Variants in ARHGAP10 observed in about 807,000 individuals in gnomAD.
ARHGAP10 encodes the protein Rho GTPase activating protein 10, also known as rho GTPase-activating protein 10.
Under a neutral mutation model 108.6 loss-of-function variants are expected in ARHGAP10, and 87 were observed. That is an observed-to-expected ratio of 0.80 (90% CI 0.67 to 0.96). The LOEUF is 0.96. ARHGAP10 is among the 40% of genes least tolerant of loss of function. The probability of loss-of-function intolerance (pLI) is 0.00; values close to 1 mark genes in which losing one functional copy is unlikely to be tolerated. For missense variants in ARHGAP10, 939 were observed against 954.5 expected, an observed-to-expected ratio of 0.98 and a Z score of 0.21; for synonymous variants, 347 against 341.1, an observed-to-expected ratio of 1.02 and a Z score of -0.19.
chr4:147,827,120 G>C (rs2126791651), intron 3 of ARHGAP10, among the ~76,000 whole-genome samples: 1 of 151,364 alleles, frequency 6.6e-6, no homozygotes. Context: ...TGAAAAGTTG[G>C]ATTCTTAACC....
chr4:147,833,490 C>G (rs894857259), intron 3 of ARHGAP10, among the ~76,000 whole-genome samples: 2 of 152,138 alleles, frequency 1.3e-5, no homozygotes, highest in Non-Finnish European at 2.9e-5. Flanking sequence ...TACCCAGTCT[C>G]AAGCAGTAAC....
chr4:147,780,367 G>A (rs1031139118), intron 1 of ARHGAP10, among the ~76,000 whole-genome samples: 3 of 151,976 alleles, frequency 2.0e-5, no homozygotes, highest in South Asian at 2.1e-4. Flanking sequence ...CTTTGCATGC[G>A]GTCACATTAC....
intron 13 of ARHGAP10, among the ~76,000 whole-genome samples, chr4:147,931,498 T>C: frequency 6.6e-6 from 1 of 152,204 alleles, no homozygotes. Context: ...CCCAAGTCTA[T>C]ATCTATAGTT....
intron 18 of ARHGAP10, among the ~76,000 whole-genome samples, chr4:147,974,379 C>A (rs1739518110): frequency 6.6e-6 from 1 of 152,058 alleles, no homozygotes; most frequent in Admixed American, 6.6e-5. Flanking sequence ...TCATCTCCCC[C>A]CACTTCCTAA....
At chr4:148,055,589 G>A (rs921944923) in intron 20 of ARHGAP10, among the ~76,000 whole-genome samples, 4 of 152,114 alleles carry the variant, frequency 2.6e-5, no homozygotes, top group Non-Finnish European at 4.4e-5. Context: ...CTCGGGAGGC[G>A]AAGCACGAGA....
chr4:147,836,990 T>C (rs1022168090), intron 3 of ARHGAP10, among the ~76,000 whole-genome samples: 7 of 152,230 alleles, frequency 4.6e-5, no homozygotes, highest in Non-Finnish European at 1.0e-4. Flanking sequence ...TGGCCTCCTA[T>C]TTTTCCGTGC....
Position 147,736,120 on chromosome 4 carries a change from C to CTGTGTGTGTG in ARHGAP10, c.154+3690_154+3699dup, listed in dbSNP as rs10644088. Reference sequence around the variant, plus strand: ...TCTGTAGTGAACTTAAATTGTCTAGCTGTGTGTGTGTGTGTGTGTGTGTGT... The same window carrying CTGTGTGTGTG: ...TCTGTAGTGAACTTAAATTGTCTAGCTGTGTGTGTGTGTGTGTGTGTGTGTGTGTGTGTGT... On this transcript the variant is annotated intron_variant, in intron 1 of 22. Transcript: ENST00000336498. 4.3e-3 allele frequency among the ~76,000 whole-genome samples: 627 copies of CTGTGTGTGTG among 144,738 alleles called. 12 individuals are homozygous for CTGTGTGTGTG. Among genetic ancestry groups the CTGTGTGTGTG allele is most frequent in the African/African-American group, 0.015 (588 of 39,334 alleles). 95.0% of individuals were successfully genotyped at this position (144,738 alleles called of 152,430 possible). A position where few individuals can be genotyped will look rare whatever the true frequency, so the allele number is the denominator to read the frequency against.
intron 13 of ARHGAP10, among the ~76,000 whole-genome samples, chr4:147,921,020 A>C (rs1337333847): frequency 2.6e-5 from 4 of 152,236 alleles, no homozygotes; most frequent in African/African-American, 9.6e-5. Flanking sequence ...AGGCATTCAA[A>C]AAGTAAATAT....
intron 10 of ARHGAP10, among the ~76,000 whole-genome samples, chr4:147,885,716 C>T (rs544434382): frequency 2.6e-5 from 4 of 152,318 alleles, no homozygotes; most frequent in East Asian, 1.9e-4. Flanking sequence ...TCTGGTTCTC[C>T]CTCAGATCTC....
At chr4:147,986,468 A>C (rs1438428561) in intron 18 of ARHGAP10, among the ~76,000 whole-genome samples, 2 of 152,176 alleles carry the variant, frequency 1.3e-5, no homozygotes, top group African/African-American at 2.4e-5. Context: ...TTTTCGAGAA[A>C]ATCAAGGGGT....
At chr4:147,822,645 T>G in intron 1 of ARHGAP10, 82 bp from the exon 2 acceptor site, 1 of 1,401,052 alleles carries the variant, frequency 7.1e-7, no homozygotes, top group Non-Finnish European at 1.0e-6. Flanking sequence ...TCTACAGCTT[T>G]ACCAATTTTA....
intron 10 of ARHGAP10, among the ~76,000 whole-genome samples, chr4:147,905,092 T>C (rs1736424869): frequency 6.6e-6 from 1 of 152,200 alleles, no homozygotes; most frequent in Non-Finnish European, 1.5e-5. Context: ...TGTTTTTTTC[T>C]TGTAAATTTA....
At chr4:147,979,312 C>T (rs753890217) in intron 18 of ARHGAP10, among the ~76,000 whole-genome samples, 47 of 152,112 alleles carry the variant, frequency 3.1e-4, no homozygotes, top group Non-Finnish European at 6.0e-4. Context: ...AATAGGAAGT[C>T]CTTTCCCCCT....
chr4:147,936,608 C>T (rs922411148), intron 13 of ARHGAP10, among the ~76,000 whole-genome samples: 2 of 152,118 alleles, frequency 1.3e-5, no homozygotes, highest in East Asian at 1.9e-4. Flanking sequence ...GGATTACAGG[C>T]GTGAGCCACC....
chr4:147,976,731 T>C (rs1249076971), intron 18 of ARHGAP10, among the ~76,000 whole-genome samples: 2 of 152,194 alleles, frequency 1.3e-5, no homozygotes, highest in African/African-American at 2.4e-5. Flanking sequence ...TCTGCTGTCA[T>C]GTGGCTCTGT....
At chr4:147,983,044 TAA>T (rs948468958) in intron 18 of ARHGAP10, among the ~76,000 whole-genome samples, 1 of 151,954 alleles carries the variant, frequency 6.6e-6, no homozygotes, top group African/African-American at 2.4e-5. Flanking sequence ...CATGCACTGC[TAA>T]GTTTTTGCAT....
rs546063798 is a variant in ARHGAP10, at chr4:147,999,612, T to C, written c.1717-23651T>C. On this transcript the variant is annotated intron_variant, in intron 18 of 22. Coordinates refer to ENST00000336498, the MANE Select transcript of ARHGAP10 (RefSeq NM_024605.4). ...GTGCCCATGTTCGTCGTAATGGAGC[T>C]GAACACTAGTCACTGGGTTCCACGG... Among the ~76,000 whole-genome samples the C allele has an allele frequency of 1.7e-4, 26 of 152,348 alleles. 1 individual carries two copies. In the South Asian group the frequency reaches 5.4e-3, roughly 32 times the overall value.
At chr4:148,060,833 A>G (rs908150431) in intron 20 of ARHGAP10, among the ~76,000 whole-genome samples, 1 of 152,178 alleles carries the variant, frequency 6.6e-6, no homozygotes, top group African/African-American at 2.4e-5. Context: ...TTAGTGCTAG[A>G]TCACATAGCG....
At chr4:147,904,145 C>T (rs1736360250) in intron 10 of ARHGAP10, among the ~76,000 whole-genome samples, 1 of 152,258 alleles carries the variant, frequency 6.6e-6, no homozygotes, top group South Asian at 2.1e-4. Context: ...TGGGTTTTGG[C>T]TGTTCTAGTG....
Sources: gnomAD v4.1 joint callset for allele counts (sites outside exome capture counted in the v4.1 genomes callset) on GRCh38, gnomAD v4.1.1 for gene constraint, MANE v1.5 for transcripts, NCBI Gene and HGNC (gene_info 2026-07-23, HGNC 2026-07-21) for gene names.